DOCK1: variants seen among roughly 807,000 people sequenced by gnomAD.
DOCK1 encodes dedicator of cytokinesis 1.
Under a neutral mutation model 262.7 loss-of-function variants are expected in DOCK1, and 138 were observed. The observed-to-expected ratio is 0.53, with a 90% CI of 0.46 to 0.61. The LOEUF is 0.61. Ranked by LOEUF, DOCK1 falls within the 20% of genes least tolerant of loss-of-function variation. DOCK1 has a pLI of 0.00. For synonymous variants in DOCK1, 866 were observed against 867.4 expected (o/e 1.00, Z 0.03); for missense variants, 1,908 against 2,370.7 (o/e 0.80, Z 4.05).
chr10:127,159,969 G>A (rs1457723032), intron 27 of DOCK1, among the ~76,000 whole-genome samples: 1 of 152,152 alleles, frequency 6.6e-6, no homozygotes, highest in Non-Finnish European at 1.5e-5. Context: ...TGTTAGGAAG[G>A]GTGTTGAGAA....
chr10:126,956,744 A>G (rs991518327), intron 1 of DOCK1, among the ~76,000 whole-genome samples: 4 of 152,318 alleles, frequency 2.6e-5, no homozygotes, highest in Middle Eastern at 3.4e-3. Context: ...TGAGCTTCAC[A>G]GAGTTTGTGT....
intron 15 of DOCK1, 173 bp from the exon 16 acceptor site, chr10:127,026,179 T>G: frequency 1.6e-6 from 1 of 641,262 alleles, no homozygotes; most frequent in Non-Finnish European, 2.7e-6. Context: ...TGATACAAAA[T>G]TTTGCAGAGG....
intron 29 of DOCK1, among the ~76,000 whole-genome samples, chr10:127,280,162 G>A (rs2135269226): frequency 6.6e-6 from 1 of 150,762 alleles, no homozygotes; most frequent in African/African-American, 2.4e-5. Context: ...AGCCTCCCGA[G>A]TAGCTGGGAC....
At chr10:126,925,721 AGTCTGTGT>A (rs1288096476) in intron 1 of DOCK1, among the ~76,000 whole-genome samples, 136 of 122,358 alleles carry the variant, frequency 1.1e-3, no homozygotes, top group Non-Finnish European at 1.9e-3. Context: ...CACATTGCAG[AGTCTGTGT>A]GTGTGTGTGT....
intron 27 of DOCK1, among the ~76,000 whole-genome samples, chr10:127,239,316 A>G (rs919013458): frequency 6.6e-6 from 1 of 152,220 alleles, no homozygotes; most frequent in Admixed American, 6.5e-5. Flanking sequence ...ATAAAAGATT[A>G]TCTATGTTTT....
intron 45 of DOCK1, among the ~76,000 whole-genome samples, chr10:127,419,120 T>C (rs1590975722): frequency 1.3e-5 from 2 of 152,120 alleles, no homozygotes; most frequent in Admixed American, 1.3e-4. Flanking sequence ...CAGCATTGAG[T>C]AGTTGTGATA....
intron 38 of DOCK1, among the ~76,000 whole-genome samples, chr10:127,401,162 C>A (rs1030223440): frequency 6.6e-6 from 1 of 151,962 alleles, no homozygotes; most frequent in African/African-American, 2.4e-5. Flanking sequence ...ATTACCTGGC[C>A]GCCACCACCC....
chr10:127,331,534 G>C (rs562402354), intron 29 of DOCK1, among the ~76,000 whole-genome samples: 3 of 152,236 alleles, frequency 2.0e-5, no homozygotes, highest in East Asian at 1.9e-4. Context: ...CACCCACCTT[G>C]GCCTCCCAAA....
At chr10:126,929,752 T>C (rs1215189517) in intron 1 of DOCK1, among the ~76,000 whole-genome samples, 3 of 152,102 alleles carry the variant, frequency 2.0e-5, no homozygotes, top group African/African-American at 7.2e-5. Flanking sequence ...GGGAGGGCAC[T>C]TCAGGGCACA....
Position 127,230,694 on chromosome 10 carries a change from T to C in DOCK1, c.2848-17314T>C, listed in dbSNP as rs962741906. 3.3e-5 allele frequency among the ~76,000 whole-genome samples: 5 copies of C among 152,200 alleles called. 1 individual carries two copies. The South Asian group carries it at 1.0e-3, about 31-fold the overall frequency. On this transcript the variant is annotated intron_variant, in intron 27 of 51. Coordinates refer to ENST00000623213, the MANE Select transcript of DOCK1 (RefSeq NM_001290223.2). ...TTATATTAGATCTTAAAAAATCTGG[T>C]AGTCTGATGCCTCCATCTTTGTTAT...
intron 12 of DOCK1, among the ~76,000 whole-genome samples, chr10:127,015,507 C>T (rs1432745046): frequency 6.6e-6 from 1 of 152,200 alleles, no homozygotes; most frequent in African/African-American, 2.4e-5. Context: ...TTCTTTCCTT[C>T]CCCACTCTGG....
chr10:127,369,740 C>T (rs2065109825), intron 33 of DOCK1, among the ~76,000 whole-genome samples: 1 of 152,194 alleles, frequency 6.6e-6, no homozygotes, highest in South Asian at 2.1e-4. Flanking sequence ...TCAGCAAGCC[C>T]CTTGCTTGAC....
At chr10:127,070,775 C>T (rs191560577) in intron 23 of DOCK1, among the ~76,000 whole-genome samples, 56 of 151,322 alleles carry the variant, frequency 3.7e-4, no homozygotes, top group African/African-American at 9.0e-4. Flanking sequence ...AATGTGATTC[C>T]GACTCTGTAG....
chr10:126,957,411 TC>T (rs2036834986), intron 1 of DOCK1, among the ~76,000 whole-genome samples: 1 of 152,182 alleles, frequency 6.6e-6, no homozygotes, highest in South Asian at 2.1e-4. Flanking sequence ...AAGTGGAAAT[TC>T]CATGGGCCAA....
At chr10:127,052,886 C>T (rs1358764809) in intron 22 of DOCK1, 71 bp downstream of exon 22, 15 of 1,541,276 alleles carry the variant, frequency 9.7e-6, no homozygotes, top group Non-Finnish European at 1.3e-5. Context: ...CTTTCCTTCC[C>T]CTTCTCTCGT....
chr10:126,919,095 G>A (rs1159850999), intron 1 of DOCK1, among the ~76,000 whole-genome samples: 1 of 152,176 alleles, frequency 6.6e-6, no homozygotes, highest in Non-Finnish European at 1.5e-5. Flanking sequence ...CTTGAGGCCA[G>A]GAGTGATGTG....
intron 25 of DOCK1, among the ~76,000 whole-genome samples, chr10:127,111,866 G>T (rs1405303157): frequency 6.6e-6 from 1 of 152,128 alleles, no homozygotes; most frequent in Non-Finnish European, 1.5e-5. Context: ...TCGATGAATT[G>T]TGCTTGATTT....
intron 1 of DOCK1, among the ~76,000 whole-genome samples, chr10:126,934,747 GTTTT>G (rs1166445414): frequency 2.6e-4 from 28 of 107,446 alleles, no homozygotes; most frequent in African/African-American, 9.7e-4. Context: ...GAATTTACGA[GTTTT>G]TTTTTTTTTT....
intron 18 of DOCK1, among the ~76,000 whole-genome samples, chr10:127,035,158 G>A (rs61873981): frequency 0.055 from 8,330 of 152,296 alleles, 254 homozygotes; most frequent in Non-Finnish European, 0.068. Context: ...CCCAAATGGC[G>A]TCTAAGCATC....
Sources: gnomAD v4.1 joint callset for allele counts (sites outside exome capture counted in the v4.1 genomes callset) on GRCh38, gnomAD v4.1.1 for gene constraint, MANE v1.5 for transcripts, NCBI Gene and HGNC (gene_info 2026-07-23, HGNC 2026-07-21) for gene names.